Variants in GCNT2 observed in about 807,000 individuals in gnomAD.
The protein encoded by GCNT2 is glucosaminyl (N-acetyl) transferase 2 (I blood group), also known as N-acetyllactosaminide beta-1,6-N-acetylglucosaminyl-transferase.
In GCNT2, 34 loss-of-function variants were observed where a neutral mutation model predicts 34.2. That is an observed-to-expected ratio of 1.00 (90% CI 0.76 to 1.32). The LOEUF is 1.32. Ranked by LOEUF, GCNT2 falls within the 40% of genes most tolerant of loss-of-function variation. The probability of loss-of-function intolerance (pLI) is 0.00; values close to 1 mark genes in which losing one functional copy is unlikely to be tolerated. For synonymous variants in GCNT2, 212 were observed against 188.0 expected (o/e 1.13, Z -1.04); for missense variants, 584 against 489.4 (o/e 1.19, Z -1.82).
chr6:10,567,663 A>C (rs544092077), intron 3 of GCNT2, among the ~76,000 whole-genome samples: 43 of 152,212 alleles, frequency 2.8e-4, no homozygotes, highest in Non-Finnish European at 5.1e-4. Context: ...GCCAGGGCAC[A>C]AATTGATCTC....
intron 3 of GCNT2, among the ~76,000 whole-genome samples, 174 bp from the exon 4 acceptor site, chr6:10,621,177 A>G (rs1422894246): frequency 6.6e-6 from 1 of 152,254 alleles, no homozygotes; most frequent in Non-Finnish European, 1.5e-5. Flanking sequence ...ATTCTGGTCA[A>G]AAGATCAACT....
chr6:10,563,667 A>T (rs1264452225), intron 3 of GCNT2, among the ~76,000 whole-genome samples: 2 of 149,940 alleles, frequency 1.3e-5, no homozygotes, highest in Non-Finnish European at 3.0e-5. Context: ...GCTTGAACCC[A>T]GGAGGCGGAG....
At chr6:10,592,277 G>A (rs1764683978) in intron 3 of GCNT2, among the ~76,000 whole-genome samples, 1 of 152,174 alleles carries the variant, frequency 6.6e-6, no homozygotes, top group African/African-American at 2.4e-5. Flanking sequence ...TTTTTGGATA[G>A]CCAGATGATA....
intron 3 of GCNT2, among the ~76,000 whole-genome samples, chr6:10,582,819 C>T (rs984725551): frequency 6.7e-6 from 1 of 149,376 alleles, no homozygotes; most frequent in Admixed American, 6.7e-5. Context: ...ACAACAACAA[C>T]AATCATAGCT....
intron 3 of GCNT2, among the ~76,000 whole-genome samples, chr6:10,538,393 AGT>A (rs1425528536): frequency 1.6e-5 from 2 of 128,074 alleles, no homozygotes; most frequent in African/African-American, 5.9e-5. Context: ...GGGCGACAAG[AGT>A]GAGACTCCGT....
At chr6:10,604,245 G>GT (rs1005029128) in intron 3 of GCNT2, among the ~76,000 whole-genome samples, 4 of 151,942 alleles carry the variant, frequency 2.6e-5, no homozygotes, top group Non-Finnish European at 4.4e-5. Flanking sequence ...TTCATAATGT[G>GT]TTTTTTTATT....
intron 3 of GCNT2, among the ~76,000 whole-genome samples, chr6:10,545,916 G>C (rs1415068732): frequency 6.6e-6 from 1 of 152,210 alleles, no homozygotes; most frequent in African/African-American, 2.4e-5. Flanking sequence ...TGTGGGGCCT[G>C]AAAGTAGAAA....
intron 3 of GCNT2, among the ~76,000 whole-genome samples, chr6:10,617,056 C>T (rs1411854144): frequency 3.3e-5 from 5 of 152,362 alleles, no homozygotes; most frequent in East Asian, 3.9e-4. Flanking sequence ...CTCCGTGCGC[C>T]TGCACTCCTT....
intron 3 of GCNT2, among the ~76,000 whole-genome samples, chr6:10,599,541 G>T (rs1434912100): frequency 2.0e-5 from 3 of 152,174 alleles, no homozygotes; most frequent in Non-Finnish European, 4.4e-5. Flanking sequence ...TGTGCCGTAT[G>T]AATTAGACAT....
intron 4 of GCNT2, among the ~76,000 whole-genome samples, chr6:10,625,692 C>T (rs1337759179): frequency 6.6e-6 from 1 of 152,120 alleles, no homozygotes. Flanking sequence ...TCATCTGTAA[C>T]TCTCATTTAG....
chr6:10,568,453 C>T (rs1335142306), intron 3 of GCNT2, among the ~76,000 whole-genome samples: 1 of 152,140 alleles, frequency 6.6e-6, no homozygotes, highest in Non-Finnish European at 1.5e-5. Context: ...TAACTCTGGC[C>T]CATCACACCT....
intron 3 of GCNT2, among the ~76,000 whole-genome samples, chr6:10,564,424 C>T (rs1401304410): frequency 1.3e-5 from 2 of 152,304 alleles, no homozygotes; most frequent in East Asian, 1.9e-4. Flanking sequence ...CTCTCCCTAC[C>T]CTCATCCCTG....
intron 3 of GCNT2, among the ~76,000 whole-genome samples, chr6:10,566,514 G>C (rs1763290409): frequency 1.3e-5 from 2 of 152,240 alleles, no homozygotes; most frequent in African/African-American, 2.4e-5. Context: ...AGCTGATCTT[G>C]AACTCCTGGC....
At chr6:10,556,297 C>T in intron 3 of GCNT2, 2 of 1,531,828 alleles carry the variant, frequency 1.3e-6, no homozygotes, top group Non-Finnish European at 1.7e-6. Flanking sequence ...AATCGATTCC[C>T]AGCGTCTCCA....
chr6:10,550,044 G>T (rs1299557603), intron 3 of GCNT2, among the ~76,000 whole-genome samples: 2 of 151,986 alleles, frequency 1.3e-5, no homozygotes, highest in South Asian at 4.2e-4. Flanking sequence ...TTATATAGTA[G>T]TTTACCCCAA....
chr6:10,577,064 C>T (rs968057831), intron 3 of GCNT2, among the ~76,000 whole-genome samples: 1 of 152,070 alleles, frequency 6.6e-6, no homozygotes, highest in Admixed American at 6.6e-5. Flanking sequence ...GGTGATAGAG[C>T]GAGATCTCAT....
At chr6:10,595,426 C>A (rs566360073) in intron 3 of GCNT2, among the ~76,000 whole-genome samples, 1 of 151,930 alleles carries the variant, frequency 6.6e-6, no homozygotes, top group African/African-American at 2.4e-5. Context: ...TATAGGTGCC[C>A]GCCACCACAC....
chr6:10,603,900 T>A (rs542761687), intron 3 of GCNT2, among the ~76,000 whole-genome samples: 2 of 150,746 alleles, frequency 1.3e-5, no homozygotes, highest in African/African-American at 4.9e-5. Flanking sequence ...GTTTGTTTGT[T>A]TGTTTGTTTG....
At chr6:10,591,372 G>C (rs1022660321) in intron 3 of GCNT2, among the ~76,000 whole-genome samples, 2 of 152,120 alleles carry the variant, frequency 1.3e-5, no homozygotes, top group Admixed American at 1.3e-4. Context: ...TTGGTAGTAG[G>C]GATTGGAGAA....
Sources: gnomAD v4.1 joint callset for allele counts (sites outside exome capture counted in the v4.1 genomes callset) on GRCh38, gnomAD v4.1.1 for gene constraint, MANE v1.5 for transcripts, NCBI Gene and HGNC (gene_info 2026-07-23, HGNC 2026-07-21) for gene names.